Variants in NAGS observed in about 807,000 individuals in gnomAD.
NAGS encodes the protein N-acetylglutamate synthase, also known as N-acetylglutamate synthase, mitochondrial.
In NAGS, 34 loss-of-function variants were observed where a neutral mutation model predicts 46.9. The ratio of observed to expected loss-of-function variants is 0.72; its 90% confidence interval spans 0.55 to 0.97. The LOEUF (loss-of-function observed/expected upper bound fraction) is 0.97. NAGS is among the 50% of genes least tolerant of loss of function. NAGS has a pLI of 0.00. For missense variants in NAGS, 665 were observed against 747.0 expected (o/e 0.89, Z 1.28); for synonymous variants, 334 against 346.3 (o/e 0.96, Z 0.39).
chr17:44,006,031 G>A lies in NAGS; in HGVS notation c.709G>A (p.Gly237Ser), dbSNP rs752924352. ...AEPAPHASYG[G>S]IVSVETDLLQ... ...ACCACGTCTGGCCCACAGCTACGGC[G>A]GCATCGTCTCGGTGGAGACAGACCT... is the stretch of plus-strand genomic sequence containing the variant. Residue 237 changes from glycine (G) to serine (S), a missense_variant, in exon 3 of 7, where the codon GGC becomes AGC. Physicochemically the swap from Gly to Ser is moderately conservative, Grantham distance 56. Coordinates refer to ENST00000293404, the MANE Select transcript of NAGS (RefSeq NM_153006.3). The surrounding 1 kb of genome is among the most constrained non-coding windows in gnomAD (Gnocchi z 4.8). 6 of 1,601,590 alleles carry A rather than the reference G, an allele frequency of 3.7e-6. No individual in the cohort carries two copies. The East Asian group carries it at 1.4e-4, about 36-fold the overall frequency.
rs1186859000 is a variant in NAGS at position 44,005,603 on chromosome 17, G to T, written c.427-34G>T. Reference sequence around the variant, plus strand: ...CTGTGGGAGCCAGCGGCTCAGGTCCGTGTCACGCTCCTTGAAAGCCCACTC... The same window carrying T: ...CTGTGGGAGCCAGCGGCTCAGGTCCTTGTCACGCTCCTTGAAAGCCCACTC... On this transcript the variant is annotated intron_variant, in intron 1 of 6. Coordinates refer to ENST00000293404, the MANE Select transcript of NAGS (RefSeq NM_153006.3). The surrounding 1 kb of genome is among the most constrained non-coding windows in gnomAD (Gnocchi z 7.2). 1 of 1,603,436 alleles carries T rather than the reference G, an allele frequency of 6.2e-7. No individual in the cohort carries two copies. Among genetic ancestry groups the T allele is most frequent in the Admixed American group, 1.7e-5 (1 of 59,044 alleles).
chr17:44,005,633 G>A lies in NAGS; in HGVS notation c.427-4G>A, dbSNP rs752020386. 6.2e-7 allele frequency: 1 copy of A among 1,610,610 alleles called. No individual in the cohort carries two copies. Among genetic ancestry groups the A allele is most frequent in the Non-Finnish European group, 8.5e-7 (1 of 1,178,876 alleles). On this transcript the variant is annotated splice_polypyrimidine_tract_variant and splice_region_variant and intron_variant, in intron 1 of 6. Transcript: ENST00000293404. The surrounding 1 kb of genome is among the most constrained non-coding windows in gnomAD (Gnocchi z 7.2). ...ACGCTCCTTGAAAGCCCACTCCTCCGCAGGTGGACGAGGAGGTGCTCAAGT... is the reference window on the plus strand; with the variant it reads ...ACGCTCCTTGAAAGCCCACTCCTCCACAGGTGGACGAGGAGGTGCTCAAGT...
chr17:44,004,652 T>C lies in NAGS; in HGVS notation c.-12T>C. 6 of 1,513,212 alleles carry C rather than the reference T, an allele frequency of 4.0e-6. No individual in the cohort carries two copies. The highest frequency in any genetic ancestry group is 5.3e-6 in the Non-Finnish European group (6 of 1,128,136). The allele number at this position is 1,513,212 out of a possible 1,614,324, so 93.7% of individuals were successfully genotyped here. On this transcript the variant is annotated 5_prime_UTR_variant, in exon 1 of 7. Coordinates refer to ENST00000293404, the MANE Select transcript of NAGS (RefSeq NM_153006.3). ...GACTGCCACTCTTGGGGGGCAAGAG[T>C]TGGTTGTCGTCATGGCGACGGCGCT...
Position 44,006,231 on chromosome 17 carries a change from T to C in NAGS, c.909T>C (p.Ser303=). The C allele has an allele frequency of 6.2e-7, 1 of 1,612,966 alleles. No individual in the cohort carries two copies. Among genetic ancestry groups the C allele is most frequent in the South Asian group, 1.1e-5 (1 of 91,052 alleles). Reference sequence around the variant, plus strand: ...ACACAGGCGGCCTGCGCGACAGCAGTCATAAGGTGCGGCCCTTTCTTTCAC... The same window carrying C: ...ACACAGGCGGCCTGCGCGACAGCAGCCATAAGGTGCGGCCCTTTCTTTCAC... ...LNNTGGLRDS[S]HKVLSNVNLP... Residue 303 remains serine, a synonymous_variant, in exon 3 of 7, where the codon AGT becomes AGC. Coordinates refer to ENST00000293404, the MANE Select transcript of NAGS (RefSeq NM_153006.3). The surrounding 1 kb of genome is among the most constrained non-coding windows in gnomAD (Gnocchi z 4.8).
Position 44,004,816 on chromosome 17 carries a change from C to T in NAGS, c.153C>T (p.Thr51=), listed in dbSNP as rs2049062343. 4.1e-6 allele frequency: 6 copies of T among 1,476,394 alleles called. No homozygotes were observed. Among genetic ancestry groups the T allele is most frequent in the Non-Finnish European group, 3.6e-6 (4 of 1,118,790 alleles). 91.5% of individuals were successfully genotyped at this position (1,476,394 alleles called of 1,614,324 possible). The part of the protein sequence containing the change: ...RGTSPGRRLS[T]AWSQPQPPPE... ...CCAGCCCGGGGCGCCGGCTCAGCAC[C>T]GCCTGGTCGCAGCCCCAGCCCCCGC... The change falls in exon 1 of 7, where the codon ACC becomes ACT. Residue 51 remains threonine (T), a synonymous_variant. Coordinates refer to ENST00000293404, the MANE Select transcript of NAGS (RefSeq NM_153006.3).
Position 44,005,179 on chromosome 17 carries a change from C to T in NAGS, c.426+90C>T. The T allele has an allele frequency of 3.4e-6, 5 of 1,477,386 alleles. No homozygotes were observed. Among genetic ancestry groups the T allele is most frequent in the Non-Finnish European group, 4.5e-6 (5 of 1,113,132 alleles). 91.5% of individuals were successfully genotyped at this position (1,477,386 alleles called of 1,614,324 possible). A position where few individuals can be genotyped will look rare whatever the true frequency, so the allele number is the denominator to read the frequency against. On this transcript the variant is annotated intron_variant, in intron 1 of 6. Coordinates refer to ENST00000293404, the MANE Select transcript of NAGS (RefSeq NM_153006.3). The surrounding 1 kb of genome is among the most constrained non-coding windows in gnomAD (Gnocchi z 7.2). Reference sequence around the variant, plus strand: ...CAGGCATGGCAGGATACGCTGCGGGCTCTGCGCAGCGGAAGCGGGAAGGAG... The same window carrying T: ...CAGGCATGGCAGGATACGCTGCGGGTTCTGCGCAGCGGAAGCGGGAAGGAG...
Position 44,006,815 on chromosome 17 carries a change from T to A in NAGS, c.1096+106T>A. The A allele has an allele frequency of 8.0e-7, 1 of 1,250,034 alleles. No individual in the cohort carries two copies. Among genetic ancestry groups the A allele is most frequent in the Non-Finnish European group, 1.1e-6 (1 of 920,246 alleles). The allele number at this position is 1,250,034 out of a possible 1,614,324, so 77.4% of individuals were successfully genotyped here. A position where few individuals can be genotyped will look rare whatever the true frequency, so the allele number is the denominator to read the frequency against. ...GGCTTCTCCTCCTGTCCAGGAGCCG[T>A]AGGGGGAGGCGGGGGGTGTCACAGC... is the stretch of plus-strand genomic sequence containing the variant. On this transcript the variant is annotated intron_variant, in intron 4 of 6. Transcript: ENST00000293404. This position sits in a 1 kb window ranked among gnomAD's most constrained non-coding sequence, Gnocchi z 4.8.
rs2049125932 is a variant in NAGS at position 44,008,722 on chromosome 17, C to T, written c.*121C>T. On this transcript the variant is annotated 3_prime_UTR_variant, in exon 7 of 7. Transcript: ENST00000293404. ...GGGGGCTTGTTGGCTGAGTGATCTG[C>T]AGAGGAGAAAGCAGCCCCAGCTCTG... 4 of 1,357,374 alleles carry T rather than the reference C, an allele frequency of 2.9e-6. No individual in the cohort carries two copies. The highest frequency in any genetic ancestry group is 4.2e-6 in the Non-Finnish European group (4 of 956,928). The allele number at this position is 1,357,374 out of a possible 1,614,324, so 84.1% of individuals were successfully genotyped here.
chr17:44,006,515 G>A lies in NAGS; in HGVS notation c.916-14G>A, dbSNP rs1597865525. The A allele has an allele frequency of 6.4e-7, 1 of 1,550,982 alleles. No individual in the cohort carries two copies. Among genetic ancestry groups the A allele is most frequent in the Non-Finnish European group, 8.7e-7 (1 of 1,147,284 alleles). ...CGGCTGTGGGCCAGGCTCACCCGCT[G>A]ACTCCGGACACAGGTCCTGAGTAAC... On this transcript the variant is annotated splice_polypyrimidine_tract_variant and intron_variant, in intron 3 of 6. Coordinates refer to ENST00000293404, the MANE Select transcript of NAGS (RefSeq NM_153006.3). This position sits in a 1 kb window ranked among gnomAD's most constrained non-coding sequence, Gnocchi z 4.8.
chr17:44,006,209 C>G lies in NAGS; in HGVS notation c.887C>G (p.Thr296Arg). The change falls in exon 3 of 7, where the codon ACA (threonine) becomes AGA (arginine). Residue 296 changes from threonine (T) to arginine (R), a missense_variant. Physicochemically the swap from Thr to Arg is moderately conservative, Grantham distance 71. Transcript: ENST00000293404. The surrounding 1 kb of genome is among the most constrained non-coding windows in gnomAD (Gnocchi z 4.8). ...ACCAAAATCATCTTCCTCAATAACA[C>G]AGGCGGCCTGCGCGACAGCAGTCAT... ...RPTKIIFLNN[T>R]GGLRDSSHKV... is the part of the protein sequence containing the mutation. 1 of 1,613,350 alleles carries G rather than the reference C, an allele frequency of 6.2e-7. No homozygotes were observed. Among genetic ancestry groups the G allele is most frequent in the Non-Finnish European group, 8.5e-7 (1 of 1,180,030 alleles).
In NAGS at chr17:44,006,090, C is replaced by T; in HGVS notation, c.768C>T (p.Pro256=). 6.2e-7 allele frequency: 1 copy of T among 1,612,722 alleles called. No individual in the cohort carries two copies. The highest frequency in any genetic ancestry group is 8.5e-7 in the Non-Finnish European group (1 of 1,179,760). ...LQWCLESGSI[P]ILCPIGETAA... ...GGTGCCTGGAGTCGGGCAGCATCCC[C>T]ATCCTGTGCCCCATCGGGGAGACGG... is the stretch of plus-strand genomic sequence containing the variant. Residue 256 remains proline (P), a synonymous_variant, in exon 3 of 7, where the codon CCC becomes CCT. Transcript: ENST00000293404. The surrounding 1 kb of genome is among the most constrained non-coding windows in gnomAD (Gnocchi z 4.8).
At position 44,006,978 on chromosome 17, in the gene NAGS, A is replaced by AG. The variant is rs1369503335; in HGVS notation, c.1096+273dup. ...GAGGGGCCCCCCGGTGGGCGGGGCC[A>AG]GGGGCGGGACCATAAGGGAGGTGTT... On this transcript the variant is annotated intron_variant, in intron 4 of 6. Coordinates refer to ENST00000293404, the MANE Select transcript of NAGS (RefSeq NM_153006.3). This position sits in a 1 kb window ranked among gnomAD's most constrained non-coding sequence, Gnocchi z 4.8. 2 of 305,820 alleles carry AG rather than the reference A, an allele frequency of 6.5e-6. No individual in the cohort carries two copies. The allele number at this position is 305,820 out of a possible 1,614,324, so 18.9% of individuals were successfully genotyped here.
At position 44,006,977 on chromosome 17, in the gene NAGS, C is replaced by G; in HGVS notation, c.1096+268C>G. On this transcript the variant is annotated intron_variant, in intron 4 of 6. Coordinates refer to ENST00000293404, the MANE Select transcript of NAGS (RefSeq NM_153006.3). This position sits in a 1 kb window ranked among gnomAD's most constrained non-coding sequence, Gnocchi z 4.8. ...GGAGGGGCCCCCCGGTGGGCGGGGCCAGGGGCGGGACCATAAGGGAGGTGT... is the reference window on the plus strand; with the variant it reads ...GGAGGGGCCCCCCGGTGGGCGGGGCGAGGGGCGGGACCATAAGGGAGGTGT... 1 of 464,322 alleles carries G rather than the reference C, an allele frequency of 2.2e-6. No individual in the cohort carries two copies. The highest frequency in any genetic ancestry group is 5.5e-5 in the East Asian group (1 of 18,076). 28.8% of individuals were successfully genotyped at this position (464,322 alleles called of 1,614,324 possible). A position where few individuals can be genotyped will look rare whatever the true frequency, so the allele number is the denominator to read the frequency against.
intron 6 of NAGS, among the ~76,000 whole-genome samples, chr17:44,008,239 C>T (rs2049120534): frequency 6.6e-6 from 1 of 152,234 alleles, no homozygotes; most frequent in Non-Finnish European, 1.5e-5. Context: ...CTTCTCTGAG[C>T]CTTAGCTGCT....
Position 44,004,738 on chromosome 17 carries a change from T to TG in NAGS, c.80dup (p.Ala28ArgfsTer268), listed in dbSNP as rs1460294993. On this transcript the variant is annotated frameshift_variant, in exon 1 of 7. Transcript: ENST00000293404. LOFTEE classifies it high-confidence loss of function. The stretch of plus-strand genomic sequence containing the variant: ...CGAGGCTGAGAGGCCGGGGAGGCAC[T>TG]GGGGGCGCCCGAAGGCTGAGCTGTG... The TG allele has an allele frequency of 6.8e-7, 1 of 1,474,358 alleles. No individual in the cohort carries two copies. Among genetic ancestry groups the TG allele is most frequent in the Non-Finnish European group, 9.0e-7 (1 of 1,112,948 alleles). The allele number at this position is 1,474,358 out of a possible 1,614,324, so 91.3% of individuals were successfully genotyped here.
rs748241411 is a variant in NAGS at position 44,004,752 on chromosome 17, G to A, written c.89G>A (p.Arg30Lys). ...CGGGGAGGCACTGGGGGCGCCCGAA[G>A]GCTGAGCTGTGGCGCGCGGCGGCGG... is the stretch of plus-strand genomic sequence containing the variant. ...RGRGGTGGARRLSCGARRRAA... is the reference protein window; with the variant it reads ...RGRGGTGGARKLSCGARRRAA... Residue 30 changes from arginine (R) to lysine (K), a missense_variant, in exon 1 of 7, where the codon AGG becomes AAG. By Grantham distance (26) the Arg-to-Lys change is conservative. Transcript: ENST00000293404. 9 of 1,444,030 alleles carry A rather than the reference G, an allele frequency of 6.2e-6. No homozygotes were observed. In the East Asian group the frequency reaches 8.1e-5, roughly 13 times the overall value. The allele number at this position is 1,444,030 out of a possible 1,614,324, so 89.5% of individuals were successfully genotyped here. A position where few individuals can be genotyped will look rare whatever the true frequency, so the allele number is the denominator to read the frequency against.
At position 44,005,148 on chromosome 17, in the gene NAGS, T is replaced by C. The variant is rs2049068644; in HGVS notation, c.426+59T>C. ...GAGGGGATGGGGTTGTGCGGCCACCTGTCCTCAGGCATGGCAGGATACGCT... is the reference window on the plus strand; with the variant it reads ...GAGGGGATGGGGTTGTGCGGCCACCCGTCCTCAGGCATGGCAGGATACGCT... On this transcript the variant is annotated intron_variant, in intron 1 of 6. Coordinates refer to ENST00000293404, the MANE Select transcript of NAGS (RefSeq NM_153006.3). The surrounding 1 kb of genome is among the most constrained non-coding windows in gnomAD (Gnocchi z 7.2). 10 of 1,519,478 alleles carry C rather than the reference T, an allele frequency of 6.6e-6. No individual in the cohort carries two copies. In the Middle Eastern group the frequency reaches 5.2e-4, roughly 79 times the overall value. The allele number at this position is 1,519,478 out of a possible 1,614,324, so 94.1% of individuals were successfully genotyped here.
Position 44,004,810 on chromosome 17 carries a change from C to T in NAGS, c.147C>T (p.Leu49=). ...AARGTSPGRR[L]STAWSQPQPP... ...GGGGCACCAGCCCGGGGCGCCGGCT[C>T]AGCACCGCCTGGTCGCAGCCCCAGC... Residue 49 remains leucine (L), a synonymous_variant, in exon 1 of 7, where the codon CTC becomes CTT. Transcript: ENST00000293404. 1 of 1,459,282 alleles carries T rather than the reference C, an allele frequency of 6.9e-7. No homozygotes were observed. The highest frequency in any genetic ancestry group is 9.0e-7 in the Non-Finnish European group (1 of 1,110,998). 90.4% of individuals were successfully genotyped at this position (1,459,282 alleles called of 1,614,324 possible).
Position 44,006,578 on chromosome 17 carries a change from C to A in NAGS, c.965C>A (p.Ala322Asp). The stretch of plus-strand genomic sequence containing the variant: ...GCCGACCTGGACCTGGTGTGCAACG[C>A]CGAGTGGGTGAGCACAAAAGAACGG... ...LPADLDLVCN[A>D]EWVSTKERQQ... Residue 322 changes from alanine (A) to aspartate (D), a missense_variant, in exon 4 of 7, where the codon GCC (alanine) becomes GAC (aspartate). By Grantham distance (126) the Ala-to-Asp change is moderately radical. Transcript: ENST00000293404. The surrounding 1 kb of genome is among the most constrained non-coding windows in gnomAD (Gnocchi z 4.8). 6.3e-7 allele frequency: 1 copy of A among 1,585,044 alleles called. No homozygotes were observed.
Sources: allele counts gnomAD v4.1 joint callset (sites outside exome capture counted in the v4.1 genomes callset), GRCh38; gene constraint gnomAD v4.1.1; non-coding constraint Gnocchi (gnomAD v3.1); transcripts MANE v1.5; gene names NCBI Gene and HGNC (gene_info 2026-07-23, HGNC 2026-07-21).